Variants in MYO1E observed in about 807,000 individuals in gnomAD.
The protein encoded by MYO1E is unconventional myosin-Ie.
MYO1E carries 68 observed loss-of-function variants against 151.1 expected under a neutral mutation model. The observed-to-expected ratio is 0.45, with a 90% CI of 0.37 to 0.55. The LOEUF is 0.55. MYO1E is among the 20% of genes least tolerant of loss of function. The pLI is 0.00. For synonymous variants in MYO1E, 601 were observed against 501.7 expected (o/e 1.20, Z -2.64); for missense variants, 1,363 against 1,389.3 (o/e 0.98, Z 0.30).
intron 1 of MYO1E, among the ~76,000 whole-genome samples, chr15:59,289,045 C>T (rs1267792910): frequency 2.0e-5 from 3 of 152,100 alleles, no homozygotes; most frequent in Non-Finnish European, 2.9e-5. Flanking sequence ...CCTGGCCTAT[C>T]GATTAAGCAG....
At chr15:59,328,038 C>A (rs1325937674) in intron 1 of MYO1E, among the ~76,000 whole-genome samples, 1 of 152,176 alleles carries the variant, frequency 6.6e-6, no homozygotes, top group Non-Finnish European at 1.5e-5. Flanking sequence ...TGGAGGCTTA[C>A]CCTGCTAAAA....
chr15:59,344,594 C>T (rs1283349173), intron 1 of MYO1E, among the ~76,000 whole-genome samples: 1 of 152,228 alleles, frequency 6.6e-6, no homozygotes, highest in African/African-American at 2.4e-5. Flanking sequence ...TCCTTCAGGA[C>T]AGCCCTGGGC....
intron 16 of MYO1E, among the ~76,000 whole-genome samples, chr15:59,195,813 C>G (rs1346593080): frequency 6.6e-6 from 1 of 152,124 alleles, no homozygotes; most frequent in African/African-American, 2.4e-5. Flanking sequence ...ATTTTCAGTA[C>G]AGTTAATAAA....
At chr15:59,186,401 AT>A (rs35616665) in intron 18 of MYO1E, among the ~76,000 whole-genome samples, 41,637 of 142,600 alleles carry the variant, frequency 0.29, 6,311 homozygotes, top group East Asian at 0.58. Context: ...TACAATCTGA[AT>A]TTTAAAAAAA....
intron 1 of MYO1E, among the ~76,000 whole-genome samples, chr15:59,362,210 T>C (rs1330607407): frequency 2.0e-5 from 3 of 152,214 alleles, no homozygotes; most frequent in African/African-American, 7.2e-5. Flanking sequence ...GACCCCCAAA[T>C]AGCAGTCTTA....
chr15:59,215,724 C>A (rs1291925196), intron 10 of MYO1E, among the ~76,000 whole-genome samples: 1 of 152,108 alleles, frequency 6.6e-6, no homozygotes, highest in Non-Finnish European at 1.5e-5. Flanking sequence ...TAAATCCCAC[C>A]TCAAATTAGG....
chr15:59,189,302 G>A (rs2079718559), intron 17 of MYO1E, among the ~76,000 whole-genome samples: 1 of 152,038 alleles, frequency 6.6e-6, no homozygotes, highest in African/African-American at 2.4e-5. Flanking sequence ...TCAATTATCT[G>A]CCTGCTTTAG....
Position 59,319,678 on chromosome 15 carries a change from C to T in MYO1E, c.4-47229G>A, listed in dbSNP as rs567188927. Among the ~76,000 whole-genome samples, 85 of 147,434 alleles carry T rather than the reference C, an allele frequency of 5.8e-4. 1 individual carries two copies. The highest frequency in any genetic ancestry group is 1.9e-3 in the African/African-American group (76 of 40,422). ...CAGCACTTTGAGAGGCCGAGGCATG[C>T]GGATCACCTGAGGTCAGGAGTTTGA... On this transcript the variant is annotated intron_variant, in intron 1 of 27. Transcript: ENST00000288235.
chr15:59,240,672 A>G (rs1250977139), intron 4 of MYO1E, among the ~76,000 whole-genome samples: 1 of 152,174 alleles, frequency 6.6e-6, no homozygotes, highest in Non-Finnish European at 1.5e-5. Flanking sequence ...CGACTCACCA[A>G]TGCACCCCCA....
chr15:59,195,243 A>G (rs1034919924), intron 17 of MYO1E, among the ~76,000 whole-genome samples: 1 of 152,212 alleles, frequency 6.6e-6, no homozygotes, highest in Admixed American at 6.5e-5. Context: ...TCAACATTAT[A>G]AACTGCTAAT....
intron 1 of MYO1E, among the ~76,000 whole-genome samples, chr15:59,341,995 G>A (rs2080768461): frequency 6.6e-6 from 1 of 152,158 alleles, no homozygotes; most frequent in African/African-American, 2.4e-5. Flanking sequence ...AACGGTGTAT[G>A]AGAGTTCCCT....
chr15:59,220,832 C>T (rs375010993), intron 9 of MYO1E, among the ~76,000 whole-genome samples: 11 of 143,660 alleles, frequency 7.7e-5, no homozygotes, highest in East Asian at 6.0e-4. Context: ...GCTCAATCCT[C>T]GATTCCCAGC....
intron 22 of MYO1E, among the ~76,000 whole-genome samples, chr15:59,166,888 C>T (rs1165385338): frequency 1.3e-5 from 2 of 152,210 alleles, no homozygotes; most frequent in African/African-American, 2.4e-5. Context: ...CTTTAAATCA[C>T]GCTGGGAACA....
At chr15:59,273,203 C>T (rs1045604212) in intron 1 of MYO1E, among the ~76,000 whole-genome samples, 2 of 152,182 alleles carry the variant, frequency 1.3e-5, no homozygotes, top group African/African-American at 2.4e-5. Flanking sequence ...CCCTCATCTA[C>T]GTCTGGGATT....
chr15:59,231,574 A>G (rs141516941), intron 6 of MYO1E, 128 bp downstream of exon 6: 4 of 1,010,148 alleles, frequency 4.0e-6, no homozygotes, highest in South Asian at 2.7e-5. Context: ...AAAATGAAGG[A>G]AAGATCGAAG....
chr15:59,291,682 TAAAAAAAAAAAAAA>T (rs1182076268), intron 1 of MYO1E, among the ~76,000 whole-genome samples: 2 of 7,804 alleles, frequency 2.6e-4, no homozygotes, highest in East Asian at 6.8e-3. Flanking sequence ...CTAAAAATAC[TAAAAAAAAAAAAAA>T]AAAAAAAAAA....
At position 59,239,660 on chromosome 15, in the gene MYO1E, G is replaced by A. The variant is rs145684949; in HGVS notation, c.333-2988C>T. Among the ~76,000 whole-genome samples the A allele has an allele frequency of 2.0e-5, 3 of 152,240 alleles. No homozygotes were observed. The East Asian group carries it at 5.8e-4, about 29-fold the overall frequency. ...TAGCTCTTTTAATATATCAAAATAAGTATACCAGTTCCAAAAATAGGATAT... is the reference window on the plus strand; with the variant it reads ...TAGCTCTTTTAATATATCAAAATAAATATACCAGTTCCAAAAATAGGATAT... On this transcript the variant is annotated intron_variant, in intron 4 of 27. Transcript: ENST00000288235.
At chr15:59,172,681 G>A (rs1332419414) in intron 21 of MYO1E, among the ~76,000 whole-genome samples, 2 of 152,222 alleles carry the variant, frequency 1.3e-5, no homozygotes, top group African/African-American at 4.8e-5. Context: ...ATGCACTACA[G>A]CATGTTTCTA....
At chr15:59,345,150 C>T (rs1387958464) in intron 1 of MYO1E, among the ~76,000 whole-genome samples, 1 of 151,996 alleles carries the variant, frequency 6.6e-6, no homozygotes, top group Non-Finnish European at 1.5e-5. Context: ...AGATTAAACA[C>T]ATTGAGCCCA....
Sources: gnomAD v4.1 joint callset for allele counts (sites outside exome capture counted in the v4.1 genomes callset) on GRCh38, gnomAD v4.1.1 for gene constraint, MANE v1.5 for transcripts, NCBI Gene and HGNC (gene_info 2026-07-23, HGNC 2026-07-21) for gene names.